The following PDE1A variants were observed in gnomAD, a reference collection of about 807,000 sequenced individuals.
PDE1A encodes phosphodiesterase 1A.
In PDE1A, 35 loss-of-function variants were observed where a neutral mutation model predicts 61.7. The ratio of observed to expected loss-of-function variants is 0.57; its 90% CI spans 0.43 to 0.75. The LOEUF (loss-of-function observed/expected upper bound fraction) is 0.75. Ranked by LOEUF, PDE1A falls within the 30% of genes least tolerant of loss-of-function variation. The pLI, the probability that PDE1A is intolerant of heterozygous loss-of-function variation, is 0.00. For missense variants in PDE1A, 597 were observed against 630.6 expected, an observed-to-expected ratio of 0.95 and a Z score of 0.57; for synonymous variants, 232 against 213.2, an observed-to-expected ratio of 1.09 and a Z score of -0.77.
chr2:182,680,650 T>C, the PDE1A span, among the ~76,000 whole-genome samples: 1 of 152,206 alleles, frequency 6.6e-6, no homozygotes, highest in African/African-American at 2.4e-5. Context: ...CAAGGAGGAT[T>C]CTCACAGTTT....
intron 2 of PDE1A, among the ~76,000 whole-genome samples, chr2:182,487,387 T>A (rs1688086796): frequency 6.6e-6 from 1 of 152,192 alleles, no homozygotes. Flanking sequence ...CACTTACTTT[T>A]GGATCTAACA....
At chr2:182,696,017 G>A in the PDE1A span, among the ~76,000 whole-genome samples, 2 of 152,182 alleles carry the variant, frequency 1.3e-5, no homozygotes, top group Non-Finnish European at 2.9e-5. Flanking sequence ...CTGGTGAGAA[G>A]GCAAAATGAC....
At chr2:182,445,003 G>C (rs1402405812) in intron 2 of PDE1A, among the ~76,000 whole-genome samples, 1 of 152,152 alleles carries the variant, frequency 6.6e-6, no homozygotes, top group Middle Eastern at 3.4e-3. Context: ...TTTATTGGCT[G>C]TAGAAAATGG....
intron 1 of PDE1A, among the ~76,000 whole-genome samples, chr2:182,289,280 T>TGGACCTTTAGAATCTACATGATTCCCG (rs1273650103): frequency 1.3e-5 from 2 of 152,074 alleles, no homozygotes; most frequent in Admixed American, 6.6e-5. Flanking sequence ...CCTTTCTAGC[T>TGGACCTTTAGAATCTACATGATTCCCG]AAAGTTTTGT....
the PDE1A span, among the ~76,000 whole-genome samples, chr2:182,689,842 G>A: frequency 6.6e-6 from 1 of 152,258 alleles, no homozygotes; most frequent in South Asian, 2.1e-4. Flanking sequence ...AAATGATAAA[G>A]GGGATATCAC....
At chr2:182,702,789 GT>G in the PDE1A span, among the ~76,000 whole-genome samples, 2 of 152,120 alleles carry the variant, frequency 1.3e-5, no homozygotes, top group Non-Finnish European at 2.9e-5. Flanking sequence ...TATTAGAAAA[GT>G]GGCTAGTGTT....
At chr2:182,218,864 A>G (rs1175947913) in intron 7 of PDE1A, among the ~76,000 whole-genome samples, 1 of 152,004 alleles carries the variant, frequency 6.6e-6, no homozygotes, top group Non-Finnish European at 1.5e-5. Flanking sequence ...TTATAGTTTA[A>G]ATGTGTTTAT....
intron 2 of PDE1A, among the ~76,000 whole-genome samples, chr2:182,500,774 A>G (rs1285151215): frequency 6.6e-6 from 1 of 152,224 alleles, no homozygotes; most frequent in Non-Finnish European, 1.5e-5. Flanking sequence ...AGTGACCTCA[A>G]CATGGCAGTC....
the PDE1A span, among the ~76,000 whole-genome samples, chr2:182,617,619 G>A: frequency 6.6e-6 from 1 of 152,136 alleles, no homozygotes; most frequent in Non-Finnish European, 1.5e-5. Flanking sequence ...CTTTGCATGT[G>A]GCCTATTCAG....
intron 1 of PDE1A, among the ~76,000 whole-genome samples, chr2:182,313,448 T>C (rs781582739): frequency 1.1e-4 from 16 of 152,122 alleles, no homozygotes; most frequent in Non-Finnish European, 2.1e-4. Flanking sequence ...GCTTTCTACA[T>C]AGGCAATCAG....
chr2:182,245,894 C>G (rs760628378), intron 2 of PDE1A, among the ~76,000 whole-genome samples: 21 of 152,242 alleles, frequency 1.4e-4, no homozygotes, highest in Non-Finnish European at 2.5e-4. Context: ...TTTGCAAAAA[C>G]TGCTAAACTT....
rs767197267 is a variant in PDE1A, at chr2:182,168,836, TAAC to T, written c.1517-549_1517-547del. 9.9e-5 allele frequency among the ~76,000 whole-genome samples: 15 copies of T among 152,206 alleles called. No homozygotes were observed. In the South Asian group the frequency reaches 3.1e-3, roughly 32 times the overall value. On this transcript the variant is annotated intron_variant, in intron 13 of 13. Coordinates refer to ENST00000351439, the Ensembl canonical transcript of PDE1A. ...CTTATTAAAAAATGTTGAAATATGC[TAAC>T]AACAACAACAAAATTTCTGATTGAA...
chr2:182,375,627 T>A (rs1218669206), intron 1 of PDE1A, among the ~76,000 whole-genome samples: 1 of 152,094 alleles, frequency 6.6e-6, no homozygotes, highest in Non-Finnish European at 1.5e-5. Context: ...AAGCTGTAGG[T>A]GCATTCTGGG....
chr2:182,702,904 T>C, the PDE1A span, among the ~76,000 whole-genome samples: 488 of 152,366 alleles, frequency 3.2e-3, 5 homozygotes, highest in Non-Finnish European at 4.7e-3. Flanking sequence ...TTTGGATTTG[T>C]GCAAATTATC....
intron 2 of PDE1A, among the ~76,000 whole-genome samples, chr2:182,441,415 T>C (rs961305016): frequency 5.9e-5 from 9 of 152,060 alleles, no homozygotes; most frequent in African/African-American, 1.4e-4. Context: ...AGGAGCCAGA[T>C]TGCTCATGAT....
At chr2:182,451,680 C>T (rs1196490855) in intron 2 of PDE1A, among the ~76,000 whole-genome samples, 1 of 152,088 alleles carries the variant, frequency 6.6e-6, no homozygotes, top group Non-Finnish European at 1.5e-5. Context: ...TGCAAACTTG[C>T]ATAACCTATA....
intron 10 of PDE1A, among the ~76,000 whole-genome samples, chr2:182,197,953 A>G (rs1246438409): frequency 9.9e-5 from 15 of 151,934 alleles, no homozygotes; most frequent in Admixed American, 8.5e-4. Flanking sequence ...GCCTGTTACA[A>G]TTTCTGATAA....
intron 1 of PDE1A, among the ~76,000 whole-genome samples, chr2:182,298,365 C>T (rs1695025224): frequency 6.6e-6 from 1 of 152,170 alleles, no homozygotes; most frequent in Non-Finnish European, 1.5e-5. Context: ...TATTTAAACA[C>T]ACCTGTCTTC....
intron 1 of PDE1A, among the ~76,000 whole-genome samples, chr2:182,398,718 C>T (rs1020777439): frequency 2.0e-5 from 3 of 152,042 alleles, no homozygotes; most frequent in Non-Finnish European, 4.4e-5. Flanking sequence ...AGTGTAGGAG[C>T]ATACCGCTAT....
Sources: gnomAD v4.1 joint callset for allele counts (sites outside exome capture counted in the v4.1 genomes callset) on GRCh38, gnomAD v4.1.1 for gene constraint, MANE v1.5 for transcripts, NCBI Gene and HGNC (gene_info 2026-07-23, HGNC 2026-07-21) for gene names.